Variants in FRMD6 observed in about 807,000 individuals in gnomAD.
FRMD6 encodes FERM domain-containing protein 6.
A neutral mutation model predicts 73.2 loss-of-function variants in FRMD6; 37 were observed. The observed-to-expected ratio is 0.51, with a 90% CI of 0.39 to 0.66. FRMD6 has a LOEUF of 0.66. Among genes scored for constraint, FRMD6 ranks in the 30% least tolerant of loss-of-function variants. The pLI, the probability that FRMD6 is intolerant of heterozygous loss-of-function variation, is 0.00. For synonymous variants in FRMD6, 273 were observed against 282.2 expected, an observed-to-expected ratio of 0.97 and a Z score of 0.33; for missense variants, 714 against 780.5, an observed-to-expected ratio of 0.91 and a Z score of 1.02.
At chr14:51,711,681 A>T (rs1404735924) in intron 8 of FRMD6, 85 bp downstream of exon 8, 1 of 980,548 alleles carries the variant, frequency 1.0e-6, no homozygotes, top group Non-Finnish European at 1.6e-6. Flanking sequence ...CAGGTTCAGT[A>T]GTTCATTTTT....
the FRMD6 span, among the ~76,000 whole-genome samples, chr14:51,440,781 T>C: frequency 6.6e-6 from 1 of 152,258 alleles, no homozygotes; most frequent in Admixed American, 6.5e-5. Flanking sequence ...TGCAAAATAT[T>C]GCTTCATATA....
intron 1 of FRMD6, among the ~76,000 whole-genome samples, chr14:51,526,320 C>A (rs1370244651): frequency 6.6e-6 from 1 of 152,206 alleles, no homozygotes; most frequent in Non-Finnish European, 1.5e-5. Flanking sequence ...CCTGCCGCCA[C>A]CTCTTTGTTT....
intron 2 of FRMD6, among the ~76,000 whole-genome samples, chr14:51,588,268 G>GT (rs1566487025): frequency 6.6e-6 from 1 of 151,130 alleles, no homozygotes; most frequent in East Asian, 1.9e-4. Context: ...TTGTTTTTTG[G>GT]TTTTTTTAAT....
the FRMD6 span, among the ~76,000 whole-genome samples, chr14:51,477,800 C>A: frequency 6.7e-6 from 1 of 149,728 alleles, no homozygotes; most frequent in African/African-American, 2.5e-5. Context: ...AGTGCAGTGG[C>A]ACGACCTCAG....
the FRMD6 span, among the ~76,000 whole-genome samples, chr14:51,399,737 A>G: frequency 6.6e-6 from 1 of 152,150 alleles, no homozygotes; most frequent in Admixed American, 6.6e-5. Context: ...CAGTATTTTT[A>G]TTCTGGTTAT....
chr14:51,560,651 ATT>A (rs1887430824), intron 1 of FRMD6, among the ~76,000 whole-genome samples: 1 of 152,116 alleles, frequency 6.6e-6, no homozygotes, highest in Non-Finnish European at 1.5e-5. Context: ...TACCCGGCTA[ATT>A]TTTGTATTTT....
intron 2 of FRMD6, among the ~76,000 whole-genome samples, chr14:51,643,244 G>A (rs1376162195): frequency 6.6e-6 from 1 of 152,152 alleles, no homozygotes. Flanking sequence ...AGTAAGGCTC[G>A]GTTGACCATT....
intron 1 of FRMD6, among the ~76,000 whole-genome samples, chr14:51,493,047 G>A (rs1321663296): frequency 6.6e-6 from 1 of 152,154 alleles, no homozygotes; most frequent in Admixed American, 6.5e-5. Flanking sequence ...GGGAAACTGA[G>A]ACTCAGAAGA....
chr14:51,495,276 A>G (rs1321193049), intron 1 of FRMD6, among the ~76,000 whole-genome samples: 1 of 152,142 alleles, frequency 6.6e-6, no homozygotes, highest in Non-Finnish European at 1.5e-5. Flanking sequence ...TCCATATTTC[A>G]CCAATATTCT....
At chr14:51,593,979 G>C (rs1180601656) in intron 2 of FRMD6, among the ~76,000 whole-genome samples, 1 of 152,018 alleles carries the variant, frequency 6.6e-6, no homozygotes, top group Non-Finnish European at 1.5e-5. Flanking sequence ...AAACGGCTTG[G>C]CATTTACAGA....
At chr14:51,597,709 G>A (rs1460665851) in intron 2 of FRMD6, among the ~76,000 whole-genome samples, 1 of 152,192 alleles carries the variant, frequency 6.6e-6, no homozygotes, top group Non-Finnish European at 1.5e-5. Flanking sequence ...ATTCCTTGGT[G>A]CATAGTAAGT....
upstream of FRMD6, among the ~76,000 whole-genome samples, chr14:51,488,681 A>G (rs917938740): frequency 6.6e-6 from 1 of 152,236 alleles, no homozygotes; most frequent in Non-Finnish European, 1.5e-5. Flanking sequence ...ACTCTCCTAC[A>G]TTGACTGCCT....
chr14:51,638,340 C>A (rs1193920479), intron 2 of FRMD6, among the ~76,000 whole-genome samples: 1 of 152,130 alleles, frequency 6.6e-6, no homozygotes, highest in African/African-American at 2.4e-5. Context: ...GAGCGGATAG[C>A]ATAGTGCCAA....
the FRMD6 span, among the ~76,000 whole-genome samples, chr14:51,431,141 G>A: frequency 2.2e-4 from 34 of 152,148 alleles, no homozygotes; most frequent in Non-Finnish European, 4.4e-4. Flanking sequence ...TCATACCTGT[G>A]GATGGCCAAG....
intron 1 of FRMD6, among the ~76,000 whole-genome samples, chr14:51,527,480 G>A (rs1885322386): frequency 6.6e-6 from 1 of 152,134 alleles, no homozygotes; most frequent in South Asian, 2.1e-4. Context: ...AAATATTTGG[G>A]TAGATGAGAC....
chr14:51,448,501 G>T, the FRMD6 span, among the ~76,000 whole-genome samples: 422 of 152,340 alleles, frequency 2.8e-3, 2 homozygotes, highest in African/African-American at 9.2e-3. Flanking sequence ...AAATGAATTT[G>T]TTGGCATGTC....
intron 2 of FRMD6, among the ~76,000 whole-genome samples, chr14:51,638,533 C>T (rs1480229903): frequency 1.3e-5 from 2 of 152,136 alleles, no homozygotes; most frequent in African/African-American, 4.8e-5. Flanking sequence ...TACAACCTGG[C>T]TCCCGCAATG....
At chr14:51,463,525 C>T in the FRMD6 span, among the ~76,000 whole-genome samples, 1 of 152,150 alleles carries the variant, frequency 6.6e-6, no homozygotes, top group Admixed American at 6.5e-5. Context: ...ATATGGAGGG[C>T]CAATTGTAAA....
At chr14:51,705,361 C>T (rs951963510) in intron 6 of FRMD6, among the ~76,000 whole-genome samples, 5 of 152,102 alleles carry the variant, frequency 3.3e-5, no homozygotes, top group African/African-American at 4.8e-5. Context: ...CCTCCACTCT[C>T]GGGGAGGAAC....
Sources: gnomAD v4.1 joint callset for allele counts (sites outside exome capture counted in the v4.1 genomes callset) on GRCh38, gnomAD v4.1.1 for gene constraint, MANE v1.5 for transcripts, NCBI Gene and HGNC (gene_info 2026-07-23, HGNC 2026-07-21) for gene names.